The following COX7B2 variants were observed in gnomAD, a reference collection of about 807,000 sequenced individuals.
COX7B2 encodes the protein cytochrome c oxidase subunit 7B2, mitochondrial.
For synonymous variants in COX7B2, 37 were observed against 32.1 expected, an observed-to-expected ratio of 1.15 and a Z score of -0.51; for missense variants, 109 against 95.9, an observed-to-expected ratio of 1.14 and a Z score of -0.57.
chr4:46,868,967 G>C (rs116047429), intron 1 of COX7B2, among the ~76,000 whole-genome samples: 143 of 152,146 alleles, frequency 9.4e-4, no homozygotes, highest in African/African-American at 3.1e-3. Flanking sequence ...ACTGTCAGTC[G>C]AGTGTTACAG....
intron 2 of COX7B2, among the ~76,000 whole-genome samples, chr4:46,751,808 G>T (rs1033171098): frequency 7.2e-6 from 1 of 138,882 alleles, no homozygotes; most frequent in African/African-American, 2.6e-5. Context: ...TGCTGTTGTT[G>T]TTACTGTAGC....
At chr4:46,796,543 A>C (rs1718358968) in intron 2 of COX7B2, among the ~76,000 whole-genome samples, 2 of 112,820 alleles carry the variant, frequency 1.8e-5, no homozygotes, top group Non-Finnish European at 3.5e-5. Context: ...GCGATTCCTC[A>C]GGGATCTAGA....
At chr4:46,780,181 C>T (rs1321619513) in intron 2 of COX7B2, among the ~76,000 whole-genome samples, 1 of 152,116 alleles carries the variant, frequency 6.6e-6, no homozygotes, top group East Asian at 1.9e-4. Flanking sequence ...ATCCAGTAAT[C>T]AAACTCAGCT....
intron 1 of COX7B2, chr4:46,876,601 T>A (rs1718353144): frequency 6.6e-6 from 1 of 151,988 alleles, no homozygotes; most frequent in African/African-American, 2.4e-5. Flanking sequence ...AGAGACAGGG[T>A]TTCACCGTGT....
intron 2 of COX7B2, among the ~76,000 whole-genome samples, chr4:46,786,943 C>G (rs1478058420): frequency 6.6e-6 from 1 of 152,066 alleles, no homozygotes; most frequent in Non-Finnish European, 1.5e-5. Flanking sequence ...AGAGAGAGTT[C>G]CTGGACTTCC....
chr4:46,831,432 G>A (rs567792766), intron 2 of COX7B2, among the ~76,000 whole-genome samples: 53 of 152,284 alleles, frequency 3.5e-4, no homozygotes, highest in African/African-American at 9.4e-4. Flanking sequence ...TGAGGAGTGC[G>A]GGCGCATGGC....
chr4:46,757,698 G>C (rs943490832), intron 2 of COX7B2, among the ~76,000 whole-genome samples: 5 of 152,010 alleles, frequency 3.3e-5, no homozygotes, highest in African/African-American at 4.8e-5. Context: ...CTATTCTTAC[G>C]GAGTTTATGT....
chr4:46,800,499 G>A (rs1718600066), intron 2 of COX7B2, among the ~76,000 whole-genome samples: 1 of 152,072 alleles, frequency 6.6e-6, no homozygotes, highest in Non-Finnish European at 1.5e-5. Context: ...AAAAAACAAT[G>A]CAGAAAGGGC....
At chr4:46,864,387 G>A (rs558011043) in intron 1 of COX7B2, among the ~76,000 whole-genome samples, 6 of 152,204 alleles carry the variant, frequency 3.9e-5, no homozygotes, top group South Asian at 2.1e-4. Context: ...CTTTATTGGA[G>A]AAGCCAACAA....
At chr4:46,881,747 G>A (rs1718758449) in intron 1 of COX7B2, among the ~76,000 whole-genome samples, 1 of 152,088 alleles carries the variant, frequency 6.6e-6, no homozygotes, top group Admixed American at 6.6e-5. Context: ...AGAATGGGAG[G>A]CATGTTTGCC....
intron 1 of COX7B2, among the ~76,000 whole-genome samples, chr4:46,862,494 G>A (rs900396046): frequency 1.1e-4 from 16 of 152,080 alleles, no homozygotes; most frequent in Non-Finnish European, 1.5e-4. Flanking sequence ...TCAAATTAGC[G>A]CAAATGAATA....
At chr4:46,785,345 T>G (rs1008488533) in intron 2 of COX7B2, among the ~76,000 whole-genome samples, 1 of 151,928 alleles carries the variant, frequency 6.6e-6, no homozygotes, top group Admixed American at 6.6e-5. Flanking sequence ...AAAATGGATG[T>G]GAAAGAATTC....
At chr4:46,869,171 A>T (rs1284691150) in intron 1 of COX7B2, among the ~76,000 whole-genome samples, 1 of 151,946 alleles carries the variant, frequency 6.6e-6, no homozygotes, top group Non-Finnish European at 1.5e-5. Context: ...AAATTGTTTT[A>T]TCTGAAGTTA....
intron 1 of COX7B2, among the ~76,000 whole-genome samples, chr4:46,890,047 AC>A (rs1719336096): frequency 6.6e-6 from 1 of 152,126 alleles, no homozygotes; most frequent in African/African-American, 2.4e-5. Context: ...CCTCTAACCT[AC>A]GTGGCCAACT....
At chr4:46,807,778 G>C (rs11946667) in intron 2 of COX7B2, among the ~76,000 whole-genome samples, 53,015 of 151,508 alleles carry the variant, frequency 0.35, 9,442 homozygotes, top group South Asian at 0.48. Flanking sequence ...TTTAAAGGAA[G>C]TATCCTATCT....
intron 2 of COX7B2, among the ~76,000 whole-genome samples, chr4:46,753,768 G>T (rs372357044): frequency 1.3e-5 from 2 of 152,042 alleles, no homozygotes; most frequent in East Asian, 1.9e-4. Flanking sequence ...CCATCAGAGT[G>T]AACAGGCAAC....
intron 2 of COX7B2, among the ~76,000 whole-genome samples, chr4:46,819,539 TAAAA>T (rs397959996): frequency 7.1e-5 from 8 of 112,276 alleles, no homozygotes; most frequent in Non-Finnish European, 5.7e-5. Flanking sequence ...GCTGATGAGC[TAAAA>T]AAAAAAAAAA....
chr4:46,820,390 T>A (rs903192071), intron 2 of COX7B2, among the ~76,000 whole-genome samples: 1 of 152,048 alleles, frequency 6.6e-6, no homozygotes, highest in Non-Finnish European at 1.5e-5. Flanking sequence ...CAGCTGTAAA[T>A]ATAGATGAAG....
At chr4:46,900,109 T>C (rs183519151) in intron 1 of COX7B2, among the ~76,000 whole-genome samples, 2 of 152,344 alleles carry the variant, frequency 1.3e-5, no homozygotes, top group Admixed American at 1.3e-4. Context: ...AAAATTAAAC[T>C]TAGCTCTCCC....
Sources: allele counts gnomAD v4.1 joint callset (sites outside exome capture counted in the v4.1 genomes callset), GRCh38; gene constraint gnomAD v4.1.1; transcripts MANE v1.5; gene names NCBI Gene and HGNC (gene_info 2026-07-23, HGNC 2026-07-21).